Variants in PRKCE observed in about 807,000 individuals in gnomAD.
PRKCE encodes protein kinase C epsilon, also known as protein kinase C epsilon type.
A neutral mutation model predicts 85.4 loss-of-function variants in PRKCE; 16 were observed. The observed-to-expected ratio is 0.19, with a 90% CI of 0.13 to 0.28. The LOEUF (loss-of-function observed/expected upper bound fraction) is 0.28. Ranked by LOEUF, PRKCE falls within the 10% of genes least tolerant of loss-of-function variation. The pLI, the probability that PRKCE is intolerant of heterozygous loss-of-function variation, is 1.00. For missense variants in PRKCE, 573 were observed against 975.2 expected, an observed-to-expected ratio of 0.59 and a Z score of 5.49; for synonymous variants, 388 against 371.5, an observed-to-expected ratio of 1.04 and a Z score of -0.51.
intron 11 of PRKCE, among the ~76,000 whole-genome samples, chr2:46,122,928 T>A: frequency 6.9e-6 from 1 of 145,748 alleles, no homozygotes. Flanking sequence ...CCAGCACTAG[T>A]CACCATTATA....
chr2:45,974,882 C>T (rs990928996), intron 2 of PRKCE, among the ~76,000 whole-genome samples: 1 of 152,100 alleles, frequency 6.6e-6, no homozygotes, highest in African/African-American at 2.4e-5. Flanking sequence ...AGGAGACCTT[C>T]TAGAAGGTGT....
In PRKCE at chr2:45,882,380, G is replaced by A. The variant is rs77510770; in HGVS notation, c.412+39317G>A. On this transcript the variant is annotated intron_variant, in intron 2 of 14. Coordinates refer to ENST00000306156, the MANE Select transcript of PRKCE (RefSeq NM_005400.3). ...ATTTGTACACAAGCATCACACGTGG[G>A]TTAATGCAACATCCTTGCTCTGATG... is the stretch of plus-strand genomic sequence containing the variant. Among the ~76,000 whole-genome samples, 228 of 152,314 alleles carry A rather than the reference G, an allele frequency of 1.5e-3. 1 individual carries two copies. Among genetic ancestry groups the A allele is most frequent in the African/African-American group, 5.4e-3 (226 of 41,578 alleles).
At chr2:45,812,712 A>T (rs933102207) in intron 1 of PRKCE, among the ~76,000 whole-genome samples, 1 of 152,170 alleles carries the variant, frequency 6.6e-6, no homozygotes, top group Non-Finnish European at 1.5e-5. Context: ...GTAGGTTAGG[A>T]CCCTTAAATG....
At chr2:45,840,342 A>T (rs1691244727) in intron 1 of PRKCE, 1 of 152,258 alleles carries the variant, frequency 6.6e-6, no homozygotes. Context: ...TATTCAGCAG[A>T]GCCGACTGTT....
chr2:45,710,709 G>A (rs1367086877), intron 1 of PRKCE, among the ~76,000 whole-genome samples: 2 of 152,308 alleles, frequency 1.3e-5, no homozygotes, highest in African/African-American at 2.4e-5. Context: ...ATTTACGGCT[G>A]TTACTAACTG....
At chr2:46,070,685 C>T (rs1668011795) in intron 10 of PRKCE, among the ~76,000 whole-genome samples, 1 of 151,946 alleles carries the variant, frequency 6.6e-6, no homozygotes, top group Non-Finnish European at 1.5e-5. Context: ...ATTTTATTGA[C>T]AGCTCTATTG....
intron 1 of PRKCE, among the ~76,000 whole-genome samples, chr2:45,787,128 C>G (rs535349005): frequency 6.6e-6 from 1 of 152,180 alleles, no homozygotes; most frequent in Admixed American, 6.5e-5. Flanking sequence ...AGGTGTCCCC[C>G]CAAGCTGGGA....
intron 1 of PRKCE, among the ~76,000 whole-genome samples, chr2:45,837,625 C>T (rs1306597506): frequency 2.0e-5 from 3 of 152,184 alleles, no homozygotes; most frequent in African/African-American, 7.2e-5. Flanking sequence ...GTGTGAATGG[C>T]ACCTCCTGGG....
intron 10 of PRKCE, among the ~76,000 whole-genome samples, chr2:46,060,321 C>T (rs1666982079): frequency 7.7e-6 from 1 of 130,482 alleles, no homozygotes; most frequent in African/African-American, 3.1e-5. Context: ...TCAGACAGCC[C>T]TTCCTCCTGG....
chr2:45,884,754 A>G (rs1695118383), intron 2 of PRKCE, among the ~76,000 whole-genome samples: 1 of 151,690 alleles, frequency 6.6e-6, no homozygotes, highest in African/African-American at 2.4e-5. Flanking sequence ...TGAAAGTAAT[A>G]CTTGCTCGTT....
chr2:45,931,713 AT>A (rs550243018), intron 2 of PRKCE, among the ~76,000 whole-genome samples: 22 of 149,896 alleles, frequency 1.5e-4, no homozygotes, highest in African/African-American at 3.4e-4. Flanking sequence ...AGGTGACTGA[AT>A]TTTTTTTTTT....
At chr2:46,075,272 G>A (rs1168688438) in intron 10 of PRKCE, among the ~76,000 whole-genome samples, 7 of 151,856 alleles carry the variant, frequency 4.6e-5, no homozygotes, top group African/African-American at 1.7e-4. Context: ...TAATCTCCTC[G>A]TGATCCGCCC....
chr2:46,049,435 G>T (rs989125564), intron 10 of PRKCE, among the ~76,000 whole-genome samples: 2 of 152,156 alleles, frequency 1.3e-5, no homozygotes, highest in African/African-American at 4.8e-5. Context: ...GGCAACAGGA[G>T]ATGGGACAAC....
At chr2:46,152,641 C>T (rs1191839370) in intron 13 of PRKCE, among the ~76,000 whole-genome samples, 3 of 151,908 alleles carry the variant, frequency 2.0e-5, no homozygotes, top group Admixed American at 1.3e-4. Context: ...CTCTGCCTCT[C>T]GGGTTCAAGA....
chr2:46,077,101 T>C (rs1281535162), intron 10 of PRKCE, among the ~76,000 whole-genome samples: 1 of 152,178 alleles, frequency 6.6e-6, no homozygotes, highest in Non-Finnish European at 1.5e-5. Flanking sequence ...TTCACAATAC[T>C]GTATTGTATA....
intron 10 of PRKCE, among the ~76,000 whole-genome samples, chr2:46,071,788 A>G (rs1438096628): frequency 6.6e-6 from 1 of 152,172 alleles, no homozygotes; most frequent in African/African-American, 2.4e-5. Context: ...TCTAAATCAA[A>G]GCTTCCACCC....
At chr2:45,984,365 C>G (rs1179687002) in intron 5 of PRKCE, among the ~76,000 whole-genome samples, 186 bp from the exon 6 acceptor site, 3 of 152,200 alleles carry the variant, frequency 2.0e-5, no homozygotes, top group African/African-American at 7.2e-5. Flanking sequence ...TTAAGAGCAT[C>G]AGGAGCCAAG....
chr2:45,979,200 A>G (rs1361583192), intron 4 of PRKCE, among the ~76,000 whole-genome samples, 190 bp downstream of exon 4: 1 of 152,176 alleles, frequency 6.6e-6, no homozygotes, highest in East Asian at 1.9e-4. Context: ...TGCAGGTGCC[A>G]CCTGTCTCCA....
chr2:45,770,520 C>CT, intron 1 of PRKCE, among the ~76,000 whole-genome samples: 1 of 152,312 alleles, frequency 6.6e-6, no homozygotes, highest in Non-Finnish European at 1.5e-5. Flanking sequence ...CCACAGAAGT[C>CT]TGAATGTTGG....
Sources: allele counts gnomAD v4.1 joint callset (sites outside exome capture counted in the v4.1 genomes callset), GRCh38; gene constraint gnomAD v4.1.1; transcripts MANE v1.5; gene names NCBI Gene and HGNC (gene_info 2026-07-23, HGNC 2026-07-21).